DNAH7: variants seen among roughly 807,000 people sequenced by gnomAD.
The protein encoded by DNAH7 is axonemal beta dynein heavy chain 7.
DNAH7 carries 397 observed loss-of-function variants against 444.6 expected under a neutral mutation model. The observed-to-expected ratio is 0.89, with a 90% CI of 0.82 to 0.97. The LOEUF (loss-of-function observed/expected upper bound fraction) is 0.97, where lower values mean the gene tolerates loss of function less well. Among genes scored for constraint, DNAH7 ranks in the 50% least tolerant of loss-of-function variants. DNAH7 has a pLI of 0.00. For missense variants in DNAH7, 4,902 were observed against 4,800.8 expected (o/e 1.02, Z -0.62); for synonymous variants, 1,636 against 1,624.4 (o/e 1.01, Z -0.17).
intron 15 of DNAH7, among the ~76,000 whole-genome samples, chr2:195,980,645 A>G (rs769107562): frequency 1.3e-5 from 2 of 152,204 alleles, no homozygotes. Context: ...CCACACATTA[A>G]AAAGGTCATT....
At chr2:195,881,339 C>T (rs1406067599) in intron 36 of DNAH7, among the ~76,000 whole-genome samples, 1 of 152,204 alleles carries the variant, frequency 6.6e-6, no homozygotes, top group Non-Finnish European at 1.5e-5. Flanking sequence ...GCTACTGAGA[C>T]TGCAGCATTT....
rs747382308 is a variant in DNAH7, at chr2:195,957,361, A to T, written c.2978T>A (p.Ile993Asn). Residue 993 changes from isoleucine (I) to asparagine (N), a missense_variant, in exon 19 of 65, where the codon ATT (isoleucine) becomes AAT (asparagine). By Grantham distance (149) the Ile-to-Asn change is moderately radical. Coordinates refer to ENST00000312428, the MANE Select transcript of DNAH7 (RefSeq NM_018897.3). Reference protein sequence around the residue: ...VQATWLYLEPIFSSPDIMSQM... With the variant: ...VQATWLYLEPNFSSPDIMSQM... ...AGACATAATGTCTGGAGAGCTGAAA[A>T]TGGGCTCCAGATACAGCCACGTGGC... 1.2e-6 allele frequency: 2 copies of T among 1,607,782 alleles called. No individual in the cohort carries two copies. The highest frequency in any genetic ancestry group is 2.7e-5 in the African/African-American group (2 of 74,838).
At chr2:195,742,359 C>T (rs1017107340) in intron 63 of DNAH7, among the ~76,000 whole-genome samples, 5 of 152,170 alleles carry the variant, frequency 3.3e-5, no homozygotes, top group African/African-American at 4.8e-5. Flanking sequence ...CTCACTGACT[C>T]GAAAACATTG....
Position 195,900,510 on chromosome 2 carries a change from A to C in DNAH7, c.4336-16T>G, listed in dbSNP as rs762113565. The C allele has an allele frequency of 1.4e-5, 22 of 1,609,172 alleles. No homozygotes were observed. The highest frequency in any genetic ancestry group is 2.7e-5 in the African/African-American group (2 of 74,804). ...GAAAGAGAGCCTATGGGTAGGTAGA[A>C]AGTTACTTTTAAAAGGATCATCATA... On this transcript the variant is annotated splice_polypyrimidine_tract_variant and intron_variant, in intron 27 of 64. Coordinates refer to ENST00000312428, the MANE Select transcript of DNAH7 (RefSeq NM_018897.3).
intron 15 of DNAH7, among the ~76,000 whole-genome samples, chr2:195,974,712 A>G (rs936563981): frequency 2.6e-5 from 4 of 151,022 alleles, no homozygotes; most frequent in Non-Finnish European, 4.4e-5. Flanking sequence ...AATATAAAAT[A>G]TAAAAATATT....
chr2:195,751,566 G>C (rs755499251), intron 63 of DNAH7, among the ~76,000 whole-genome samples: 1 of 152,198 alleles, frequency 6.6e-6, no homozygotes, highest in African/African-American at 2.4e-5. Flanking sequence ...TCTGACTGAT[G>C]CTTTGAAGTT....
chr2:195,940,639 G>A (rs993784555), intron 19 of DNAH7, among the ~76,000 whole-genome samples: 5 of 151,592 alleles, frequency 3.3e-5, no homozygotes, highest in Admixed American at 6.6e-5. Flanking sequence ...CTGACAAAGG[G>A]CTAATATCCA....
chr2:195,806,881 A>T (rs747959000), intron 53 of DNAH7, 49 bp from the exon 54 acceptor site: 1 of 1,494,456 alleles, frequency 6.7e-7, no homozygotes, highest in Non-Finnish European at 9.2e-7. Context: ...TTATAAAGAG[A>T]ACAGTATTTT....
At chr2:195,847,756 G>A (rs1699097245) in intron 46 of DNAH7, among the ~76,000 whole-genome samples, 1 of 152,014 alleles carries the variant, frequency 6.6e-6, no homozygotes, top group African/African-American at 2.4e-5. Context: ...CAATATTATA[G>A]TAGAAAAGTA....
intron 61 of DNAH7, among the ~76,000 whole-genome samples, chr2:195,771,450 C>A (rs1238108785): frequency 6.6e-6 from 1 of 152,166 alleles, no homozygotes; most frequent in East Asian, 1.9e-4. Flanking sequence ...CTATCCCTAT[C>A]TAACATCCTC....
At chr2:195,934,913 G>A (rs781108032) in intron 20 of DNAH7, 124 bp from the exon 21 acceptor site, 19 of 1,029,006 alleles carry the variant, frequency 1.8e-5, no homozygotes, top group Admixed American at 1.6e-4. Context: ...TGCAAAAACC[G>A]GAAACCCCCA....
rs368779390 is a variant in DNAH7, at chr2:195,984,416, C to T, written c.1833+216G>A. 4.6e-5 allele frequency among the ~76,000 whole-genome samples: 7 copies of T among 152,086 alleles called. 1 individual carries two copies. The South Asian group carries it at 1.0e-3, about 23-fold the overall frequency. On this transcript the variant is annotated intron_variant, in intron 15 of 64. Transcript: ENST00000312428. ...AGGCTGGAGTGCAGTGGCGCAATCT[C>T]GACTCATTGCAACCTCTGCCTCCCG... is the stretch of plus-strand genomic sequence containing the variant.
chr2:195,994,547 T>C (rs1289628798), intron 12 of DNAH7: 2 of 481,614 alleles, frequency 4.2e-6, no homozygotes, highest in Non-Finnish European at 8.1e-6. Flanking sequence ...CATTGTGGTC[T>C]TGGTTGTTTG....
intron 47 of DNAH7, among the ~76,000 whole-genome samples, chr2:195,842,167 T>C (rs556397791): frequency 6.6e-6 from 1 of 152,194 alleles, no homozygotes; most frequent in Non-Finnish European, 1.5e-5. Flanking sequence ...TACCAAGCTG[T>C]TAAATAATCC....
chr2:195,863,004 C>T (rs1418943239), intron 41 of DNAH7, among the ~76,000 whole-genome samples: 1 of 152,148 alleles, frequency 6.6e-6, no homozygotes, highest in Non-Finnish European at 1.5e-5. Flanking sequence ...CCACTGCACT[C>T]CAGCCAGGGT....
rs533491683 is a variant in DNAH7, at chr2:195,890,365, A to C, written c.5046+1290T>G. On this transcript the variant is annotated intron_variant, in intron 31 of 64. Coordinates refer to ENST00000312428, the MANE Select transcript of DNAH7 (RefSeq NM_018897.3). ...GCGAGACCTTGGGCTTCACAGTCTCAAGGACCTCACTTTTCATTTGACTCT... is the reference window on the plus strand; with the variant it reads ...GCGAGACCTTGGGCTTCACAGTCTCCAGGACCTCACTTTTCATTTGACTCT... Among the ~76,000 whole-genome samples the C allele has an allele frequency of 1.6e-4, 25 of 152,332 alleles. 1 individual carries two copies. The highest frequency in any genetic ancestry group is 5.5e-4 in the African/African-American group (23 of 41,578).
In DNAH7 at chr2:195,864,654, C is replaced by A. The variant is rs753046205; in HGVS notation, c.7001G>T (p.Arg2334Leu). 6.2e-7 allele frequency: 1 copy of A among 1,614,142 alleles called. No homozygotes were observed. The highest frequency in any genetic ancestry group is 1.3e-5 in the African/African-American group (1 of 75,028). The change falls in exon 41 of 65, where the codon CGC (arginine) becomes CTC (leucine). Residue 2334 changes from arginine to leucine, a missense_variant. By Grantham distance (102) the Arg-to-Leu change is moderately radical. Transcript: ENST00000312428. ...SRISRILKQP[R>L]SHALLVGVGG... Reference sequence around the variant, plus strand: ...AACCCCTACTAGGAGAGCATGGCTGCGAGGCTGCTTCAGGATCCTGGAAAT... The same window carrying A: ...AACCCCTACTAGGAGAGCATGGCTGAGAGGCTGCTTCAGGATCCTGGAAAT...
At chr2:195,762,986 C>CA (rs1018834800) in intron 61 of DNAH7, among the ~76,000 whole-genome samples, 9 of 151,902 alleles carry the variant, frequency 5.9e-5, no homozygotes, top group African/African-American at 1.7e-4. Context: ...TCAAAATATC[C>CA]AAAAAAATGA....
chr2:195,948,684 G>C (rs138362710), intron 19 of DNAH7, among the ~76,000 whole-genome samples: 1 of 152,138 alleles, frequency 6.6e-6, no homozygotes, highest in Non-Finnish European at 1.5e-5. Flanking sequence ...ATGCTGTTTC[G>C]GTTACTGTAG....
Sources: gnomAD v4.1 joint callset for allele counts (sites outside exome capture counted in the v4.1 genomes callset) on GRCh38, gnomAD v4.1.1 for gene constraint, MANE v1.5 for transcripts, NCBI Gene and HGNC (gene_info 2026-07-23, HGNC 2026-07-21) for gene names.